The following MEMO1 variants were observed in gnomAD, a reference collection of about 807,000 sequenced individuals.
MEMO1 encodes mediator of cell motility 1.
In MEMO1, 6 loss-of-function variants were observed where a neutral mutation model predicts 45.2. That is an observed-to-expected ratio of 0.13 (90% CI 0.07 to 0.26). The LOEUF is 0.26. MEMO1 is among the 10% of genes least tolerant of loss of function. The probability of loss-of-function intolerance (pLI) is 1.00; values close to 1 mark genes in which losing one functional copy is unlikely to be tolerated. For missense variants in MEMO1, 184 were observed against 370.5 expected, an observed-to-expected ratio of 0.50 and a Z score of 4.13; for synonymous variants, 78 against 124.3, an observed-to-expected ratio of 0.63 and a Z score of 2.48.
intron 2 of MEMO1, among the ~76,000 whole-genome samples, chr2:31,969,414 C>T (rs189704346): frequency 1.9e-4 from 24 of 123,736 alleles, no homozygotes; most frequent in Non-Finnish European, 2.7e-4. Flanking sequence ...CATATATACA[C>T]GTATATATAC....
intron 2 of MEMO1, among the ~76,000 whole-genome samples, chr2:31,967,737 G>T (rs184553045): frequency 4.3e-4 from 65 of 152,306 alleles, no homozygotes; most frequent in Non-Finnish European, 6.8e-4. Context: ...GAGCCACCAT[G>T]CCCGGCCTAA....
chr2:31,987,863 C>G (rs1210805308), intron 2 of MEMO1, among the ~76,000 whole-genome samples: 1 of 152,108 alleles, frequency 6.6e-6, no homozygotes, highest in Non-Finnish European at 1.5e-5. Context: ...AATTCTAATT[C>G]AGTAGGTTTC....
chr2:31,896,783 A>G lies in MEMO1; in HGVS notation c.438-4649T>C, dbSNP rs1466976610. The stretch of plus-strand genomic sequence containing the variant: ...TATATCTAATAAGGAATTTGTCTCC[A>G]TAAATACTCTTATAACTCAATAAAA... On this transcript the variant is annotated intron_variant, in intron 6 of 9. Coordinates refer to ENST00000404530, the MANE Select transcript of MEMO1 (RefSeq NM_001301833.4). Among the ~76,000 whole-genome samples the G allele has an allele frequency of 3.3e-5, 5 of 152,366 alleles. No individual in the cohort carries two copies. In the East Asian group the frequency reaches 9.6e-4, roughly 29 times the overall value.
chr2:31,879,418 T>G (rs932933107), intron 8 of MEMO1, among the ~76,000 whole-genome samples: 20 of 152,188 alleles, frequency 1.3e-4, no homozygotes, highest in Non-Finnish European at 2.9e-5. Flanking sequence ...TTATACTCTC[T>G]CTGGAGATTG....
At chr2:31,999,867 T>C (rs1673059842) in intron 2 of MEMO1, among the ~76,000 whole-genome samples, 2 of 151,462 alleles carry the variant, frequency 1.3e-5, no homozygotes, top group Admixed American at 1.3e-4. Context: ...GCTTGTTCTT[T>C]CACCTGCATC....
At chr2:31,913,905 C>A (rs1245363748) in intron 6 of MEMO1, among the ~76,000 whole-genome samples, 1 of 152,138 alleles carries the variant, frequency 6.6e-6, no homozygotes, top group Non-Finnish European at 1.5e-5. Flanking sequence ...TTGAATTTAG[C>A]CTTATGATGC....
At chr2:31,946,937 T>C (rs1311647701) in intron 2 of MEMO1, among the ~76,000 whole-genome samples, 1 of 152,238 alleles carries the variant, frequency 6.6e-6, no homozygotes, top group Non-Finnish European at 1.5e-5. Flanking sequence ...CTGCCTGTAG[T>C]ATTCCATACA....
At chr2:31,923,969 C>T (rs1205191322) in intron 4 of MEMO1, among the ~76,000 whole-genome samples, 1 of 152,132 alleles carries the variant, frequency 6.6e-6, no homozygotes, top group South Asian at 2.1e-4. Flanking sequence ...AAGAGCCCCA[C>T]CAATCTGAAT....
In MEMO1 at chr2:31,896,695, T is replaced by A. The variant is rs187519952; in HGVS notation, c.438-4561A>T. 1.2e-4 allele frequency among the ~76,000 whole-genome samples: 18 copies of A among 152,300 alleles called. No individual in the cohort carries two copies. In the East Asian group the frequency reaches 3.5e-3, roughly 29 times the overall value. ...ACTGAATTTAACAAAATGAAAAACTTCTGCTCTTCATTAAGAAAATGAAAA... is the reference window on the plus strand; with the variant it reads ...ACTGAATTTAACAAAATGAAAAACTACTGCTCTTCATTAAGAAAATGAAAA... On this transcript the variant is annotated intron_variant, in intron 6 of 9. Coordinates refer to ENST00000404530, the MANE Select transcript of MEMO1 (RefSeq NM_001301833.4).
At chr2:31,986,028 A>C (rs780885707) in intron 2 of MEMO1, among the ~76,000 whole-genome samples, 1 of 152,198 alleles carries the variant, frequency 6.6e-6, no homozygotes, top group African/African-American at 2.4e-5. Flanking sequence ...GATTATTCAC[A>C]GTCAGTTACA....
Position 31,918,032 on chromosome 2 carries a change from C to T in MEMO1, c.331G>A (p.Gly111Arg), listed in dbSNP as rs528734501. ...AACATTCCTGTCTTCCACAGTTCTC[C>T]GTAAACTAAAGAGATTTCAAAATAC... is the stretch of plus-strand genomic sequence containing the variant. ...YDLRIDQKIY[G>R]ELWKTGMFER... The change falls in exon 6 of 10, where the codon GGA (glycine) becomes AGA (arginine). Residue 111 changes from glycine (G) to arginine (R), a missense_variant. Physicochemically the swap from Gly to Arg is moderately radical, Grantham distance 125 (BLOSUM62 -2). Coordinates refer to ENST00000404530, the MANE Select transcript of MEMO1 (RefSeq NM_001301833.4). 9 of 1,605,202 alleles carry T rather than the reference C, an allele frequency of 5.6e-6. No individual in the cohort carries two copies. The highest frequency in any genetic ancestry group is 2.2e-5 in the East Asian group (1 of 44,600).
chr2:31,972,644 G>C (rs1018491330), intron 2 of MEMO1, among the ~76,000 whole-genome samples: 2 of 152,134 alleles, frequency 1.3e-5, no homozygotes, highest in Non-Finnish European at 2.9e-5. Context: ...CCAGGAGATG[G>C]AGGTTGCAGT....
intron 6 of MEMO1, among the ~76,000 whole-genome samples, chr2:31,900,987 A>T (rs1308766799): frequency 1.3e-5 from 2 of 152,228 alleles, no homozygotes; most frequent in Non-Finnish European, 2.9e-5. Flanking sequence ...CATTATTCAT[A>T]ATAGCCAAAA....
In MEMO1 at chr2:31,946,508, G is replaced by A. The variant is rs552636907; in HGVS notation, c.62-3125C>T. On this transcript the variant is annotated intron_variant, in intron 2 of 9. Transcript: ENST00000404530. The stretch of plus-strand genomic sequence containing the variant: ...ATTAACTTAAGGAAAAATAAGTTAC[G>A]TGTCACATAATGACGTTTCGGTCAA... 1.7e-4 allele frequency among the ~76,000 whole-genome samples: 26 copies of A among 152,174 alleles called. 1 individual carries two copies. Among genetic ancestry groups the A allele is most frequent in the Middle Eastern group, 6.8e-3 (2 of 294 alleles).
chr2:31,890,263 A>T (rs1160336543), intron 7 of MEMO1, among the ~76,000 whole-genome samples: 1 of 152,164 alleles, frequency 6.6e-6, no homozygotes, highest in East Asian at 1.9e-4. Flanking sequence ...TATCAAGGGA[A>T]CTAATTATGT....
At chr2:31,954,456 A>T (rs928050646) in intron 2 of MEMO1, among the ~76,000 whole-genome samples, 1 of 152,212 alleles carries the variant, frequency 6.6e-6, no homozygotes, top group Non-Finnish European at 1.5e-5. Flanking sequence ...GTAAAAATTA[A>T]TTTTTTTAAA....
At chr2:31,941,597 C>T (rs1665622684) in intron 3 of MEMO1, among the ~76,000 whole-genome samples, 2 of 152,182 alleles carry the variant, frequency 1.3e-5, no homozygotes, top group African/African-American at 2.4e-5. Context: ...TGGCCTTTAG[C>T]CTGGTATGTA....
chr2:31,999,868 C>A (rs2148588096), intron 2 of MEMO1, among the ~76,000 whole-genome samples: 1 of 150,930 alleles, frequency 6.6e-6, no homozygotes, highest in Middle Eastern at 3.5e-3. Flanking sequence ...CTTGTTCTTT[C>A]ACCTGCATCA....
chr2:31,902,397 CA>C (rs1040830975), intron 6 of MEMO1, among the ~76,000 whole-genome samples: 75 of 134,226 alleles, frequency 5.6e-4, no homozygotes, highest in East Asian at 1.3e-3. Flanking sequence ...GACTCTGCCT[CA>C]AAAAAAAAAA....
Sources: allele counts gnomAD v4.1 joint callset (sites outside exome capture counted in the v4.1 genomes callset), GRCh38; gene constraint gnomAD v4.1.1; transcripts MANE v1.5; gene names NCBI Gene and HGNC (gene_info 2026-07-23, HGNC 2026-07-21).